Variants in COL23A1 observed in about 807,000 individuals in gnomAD.
The protein encoded by COL23A1 is collagen type XXIII alpha 1 chain, also known as collagen alpha-1(XXIII) chain.
COL23A1 carries 97 observed loss-of-function variants against 99.3 expected under a neutral mutation model. The observed-to-expected ratio is 0.98, with a 90% CI of 0.83 to 1.16. COL23A1 has a LOEUF of 1.16. Ranked by LOEUF, COL23A1 falls within the 50% of genes most tolerant of loss-of-function variation. The probability of loss-of-function intolerance (pLI) is 0.00; values close to 1 mark genes in which losing one functional copy is unlikely to be tolerated. For missense variants in COL23A1, 762 were observed against 757.4 expected (o/e 1.01, Z -0.07); for synonymous variants, 320 against 308.2 (o/e 1.04, Z -0.40).
intron 3 of COL23A1, among the ~76,000 whole-genome samples, chr5:178,302,369 TTCAATCCACCTGTGTGTGC>T (rs1758114946): frequency 7.6e-6 from 1 of 131,532 alleles, no homozygotes; most frequent in Admixed American, 7.7e-5. Flanking sequence ...GGAGCACGGC[TTCAATCCACCTGTGTGTGC>T]GCCGGAGCAC....
chr5:178,566,726 G>T (rs903997888), intron 1 of COL23A1, among the ~76,000 whole-genome samples: 1 of 152,178 alleles, frequency 6.6e-6, no homozygotes, highest in Non-Finnish European at 1.5e-5. Flanking sequence ...TGAGGCAGGA[G>T]AATCACTTGA....
At chr5:178,520,396 T>G (rs1434865781) in intron 2 of COL23A1, among the ~76,000 whole-genome samples, 1 of 152,158 alleles carries the variant, frequency 6.6e-6, no homozygotes, top group Non-Finnish European at 1.5e-5. Flanking sequence ...GACTCCTACA[T>G]GTTCTCCTCA....
intron 2 of COL23A1, among the ~76,000 whole-genome samples, chr5:178,397,862 C>G (rs1764235869): frequency 6.6e-6 from 1 of 152,308 alleles, no homozygotes; most frequent in South Asian, 2.1e-4. Context: ...TGACACGTGC[C>G]TGTAGTTCCA....
rs143608271 is a variant in COL23A1 at position 178,514,940 on chromosome 5, T to C, written c.361+45742A>G. Among the ~76,000 whole-genome samples, 118 of 152,352 alleles carry C rather than the reference T, an allele frequency of 7.7e-4. 1 individual carries two copies. The highest frequency in any genetic ancestry group is 2.7e-3 in the African/African-American group (113 of 41,586). On this transcript the variant is annotated intron_variant, in intron 2 of 28. Transcript: ENST00000390654. ...GCTCAGTAAAGGGACCAAGTCTCGTTTGTGTTTTCTGCTGAGGTTCCAACT... is the reference window on the plus strand; with the variant it reads ...GCTCAGTAAAGGGACCAAGTCTCGTCTGTGTTTTCTGCTGAGGTTCCAACT...
intron 2 of COL23A1, among the ~76,000 whole-genome samples, chr5:178,427,600 C>G (rs1016634918): frequency 6.6e-6 from 1 of 152,184 alleles, no homozygotes; most frequent in Non-Finnish European, 1.5e-5. Context: ...TAATATTTAG[C>G]ACTGAATAAT....
At chr5:178,502,341 C>T (rs1327124767) in intron 2 of COL23A1, among the ~76,000 whole-genome samples, 1 of 152,188 alleles carries the variant, frequency 6.6e-6, no homozygotes, top group Non-Finnish European at 1.5e-5. Flanking sequence ...CCATGTTAGC[C>T]AGGATGGTCT....
chr5:178,261,557 C>A (rs1035018383), intron 11 of COL23A1, among the ~76,000 whole-genome samples, 165 bp downstream of exon 11: 8 of 152,146 alleles, frequency 5.3e-5, no homozygotes, highest in Non-Finnish European at 1.2e-4. Flanking sequence ...TAAACTGAGG[C>A]CCAGAGAGAT....
chr5:178,258,631 G>A (rs535970871), intron 12 of COL23A1, among the ~76,000 whole-genome samples: 1 of 152,044 alleles, frequency 6.6e-6, no homozygotes, highest in South Asian at 2.1e-4. Context: ...TCCTGACCTC[G>A]TGATCAGCCT....
At chr5:178,381,175 C>T (rs1423785656) in intron 2 of COL23A1, among the ~76,000 whole-genome samples, 1 of 152,252 alleles carries the variant, frequency 6.6e-6, no homozygotes, top group Non-Finnish European at 1.5e-5. Context: ...GGATTGGTGA[C>T]GTTGCCTTCA....
rs983991779 is a variant in COL23A1, at chr5:178,468,054, C to G, written c.361+92628G>C. On this transcript the variant is annotated intron_variant, in intron 2 of 28. Transcript: ENST00000390654. The surrounding 1 kb of genome is among the most constrained non-coding windows in gnomAD (Gnocchi z 4.2). Reference sequence around the variant, plus strand: ...ATTTAATATCCCACCCACGCATCACCTAACAGCCTCTGGGGCGGTGTGTTC... The same window carrying G: ...ATTTAATATCCCACCCACGCATCACGTAACAGCCTCTGGGGCGGTGTGTTC... 6.6e-6 allele frequency among the ~76,000 whole-genome samples: 1 copy of G among 152,180 alleles called. No individual in the cohort carries two copies. Among genetic ancestry groups the G allele is most frequent in the African/African-American group, 2.4e-5 (1 of 41,436 alleles).
At chr5:178,576,344 T>C (rs1396583014) in intron 1 of COL23A1, among the ~76,000 whole-genome samples, 1 of 152,070 alleles carries the variant, frequency 6.6e-6, no homozygotes, top group East Asian at 1.9e-4. Flanking sequence ...GTTCAACCGA[T>C]TCTCCTGCCT....
chr5:178,408,874 G>T (rs1310621199), intron 2 of COL23A1, among the ~76,000 whole-genome samples: 1 of 149,884 alleles, frequency 6.7e-6, no homozygotes, highest in Non-Finnish European at 1.5e-5. Flanking sequence ...AGAATCACTT[G>T]AACTTGGGAG....
chr5:178,241,903 C>T (rs1207457877), intron 27 of COL23A1, 139 bp downstream of exon 27: 7 of 655,190 alleles, frequency 1.1e-5, no homozygotes, highest in South Asian at 7.5e-5. Context: ...CAGCAGTGGC[C>T]CTGACAGTGA....
At chr5:178,528,741 C>T (rs958242455) in intron 2 of COL23A1, among the ~76,000 whole-genome samples, 1 of 152,208 alleles carries the variant, frequency 6.6e-6, no homozygotes, top group Non-Finnish European at 1.5e-5. Context: ...ACCCAGGAGG[C>T]GGAGGTTCCG....
chr5:178,480,348 C>T (rs1757268000), intron 2 of COL23A1, among the ~76,000 whole-genome samples: 1 of 152,100 alleles, frequency 6.6e-6, no homozygotes, highest in African/African-American at 2.4e-5. Flanking sequence ...CCTGGATCCA[C>T]CGGTCACCTC....
Position 178,238,413 on chromosome 5 carries a change from C to G in COL23A1, c.*285G>C. The G allele has an allele frequency of 2.0e-6, 1 of 489,056 alleles. No homozygotes were observed. The highest frequency in any genetic ancestry group is 3.7e-6 in the Non-Finnish European group (1 of 271,654). The allele number at this position is 489,056 out of a possible 1,614,324, so 30.3% of individuals were successfully genotyped here. A position where few individuals can be genotyped will look rare whatever the true frequency, so the allele number is the denominator to read the frequency against. On this transcript the variant is annotated 3_prime_UTR_variant, in exon 29 of 29. Transcript: ENST00000390654. ...TCAGGTGACTGAAGGCCCAACGTAGCATCTTTCTAGCCTTGCCCGAGCCAG... is the reference window on the plus strand; with the variant it reads ...TCAGGTGACTGAAGGCCCAACGTAGGATCTTTCTAGCCTTGCCCGAGCCAG...
chr5:178,239,045 G>T, intron 28 of COL23A1, 96 bp downstream of exon 28: 1 of 1,374,948 alleles, frequency 7.3e-7, no homozygotes, highest in Non-Finnish European at 1.0e-6. Flanking sequence ...GACACCCAGA[G>T]GTTTGAGTGA....
chr5:178,261,564 A>G (rs543497225), intron 11 of COL23A1, among the ~76,000 whole-genome samples, 158 bp downstream of exon 11: 2 of 152,276 alleles, frequency 1.3e-5, no homozygotes, highest in East Asian at 3.9e-4. Flanking sequence ...AGGCCCAGAG[A>G]GATGCAGTAA....
chr5:178,553,346 T>C (rs1260488415), intron 2 of COL23A1, among the ~76,000 whole-genome samples: 1 of 152,206 alleles, frequency 6.6e-6, no homozygotes, highest in Non-Finnish European at 1.5e-5. Flanking sequence ...TCTGTATAAC[T>C]TCCACATTGT....
Sources: gnomAD v4.1 joint callset for allele counts (sites outside exome capture counted in the v4.1 genomes callset) on GRCh38, gnomAD v4.1.1 for gene constraint, Gnocchi (gnomAD v3.1) non-coding constraint, MANE v1.5 for transcripts, NCBI Gene and HGNC (gene_info 2026-07-23, HGNC 2026-07-21) for gene names.